Variants in TLDC2 observed in about 807,000 individuals in gnomAD.
TLDC2 encodes the protein TBC/LysM-associated domain containing 2.
In TLDC2, 23 loss-of-function variants were observed where a neutral mutation model predicts 27.9. The ratio of observed to expected loss-of-function variants is 0.82; its 90% CI spans 0.59 to 1.17. The LOEUF (loss-of-function observed/expected upper bound fraction) is 1.17. Among genes scored for constraint, TLDC2 ranks in the 50% most tolerant of loss-of-function variants. The probability of loss-of-function intolerance (pLI) is 0.00; values close to 1 mark genes in which losing one functional copy is unlikely to be tolerated. For missense variants in TLDC2, 286 were observed against 273.4 expected, an observed-to-expected ratio of 1.05 and a Z score of -0.32; for synonymous variants, 124 against 107.4, an observed-to-expected ratio of 1.16 and a Z score of -0.96.
rs773683280 is a variant in TLDC2, at chr20:36,892,961, C to T, written c.*117C>T. On this transcript the variant is annotated 3_prime_UTR_variant, in exon 7 of 7. Transcript: ENST00000217320. ...ATTGGGTCATCTTTAAAAAGCTGGA[C>T]TCTGCTTTTGGATGCTTCTCGGAGG... is the stretch of plus-strand genomic sequence containing the variant. 6.2e-7 allele frequency: 1 copy of T among 1,613,980 alleles called. No homozygotes were observed. Among genetic ancestry groups the T allele is most frequent in the Non-Finnish European group, 8.5e-7 (1 of 1,180,004 alleles).
At chr20:36,882,322 C>T (rs981026993) in intron 4 of TLDC2, among the ~76,000 whole-genome samples, 6 of 152,222 alleles carry the variant, frequency 3.9e-5, no homozygotes, top group Middle Eastern at 3.4e-3. Context: ...GCAGGAGGAT[C>T]GCTTGAGCCC....
intron 6 of TLDC2, 177 bp downstream of exon 6, chr20:36,889,580 T>C: frequency 1.5e-6 from 1 of 671,296 alleles, no homozygotes; most frequent in Non-Finnish European, 2.4e-6. Flanking sequence ...CAGAGGTGAC[T>C]TTGAAGGATT....
In TLDC2 at chr20:36,887,925, G is replaced by GA. The variant is rs201264690; in HGVS notation, c.512+405dup. ...GTGAGGACGGGGTAGAGAGAGGTAG[G>GA]AAAAAAAAGTTGATCTCATCCTGGT... On this transcript the variant is annotated intron_variant, in intron 5 of 6. Coordinates refer to ENST00000217320, the MANE Select transcript of TLDC2 (RefSeq NM_080628.3). 3.8e-3 allele frequency among the ~76,000 whole-genome samples: 572 copies of GA among 151,988 alleles called. 2 individuals carry two copies. Among genetic ancestry groups the GA allele is most frequent in the Middle Eastern group, 0.014 (4 of 294 alleles).
chr20:36,887,548 C>T lies in TLDC2; in HGVS notation c.512+20C>T, dbSNP rs754526384. ...TGGCAGGTGAGTGTCTCAGTCTTCC[C>T]GAGTCTTGGGGCGGTCTGTGTTCTG... On this transcript the variant is annotated intron_variant, in intron 5 of 6. Coordinates refer to ENST00000217320, the MANE Select transcript of TLDC2 (RefSeq NM_080628.3). The T allele has an allele frequency of 9.3e-6, 15 of 1,610,624 alleles. 1 individual carries two copies. The highest frequency in any genetic ancestry group is 8.5e-7 in the Non-Finnish European group (1 of 1,176,986).
rs752024075 is a variant in TLDC2, at chr20:36,878,046, AT to A, written c.183del (p.Arg62GlyfsTer84). The A allele has an allele frequency of 6.2e-7, 1 of 1,613,102 alleles. No individual in the cohort carries two copies. Among genetic ancestry groups the A allele is most frequent in the Non-Finnish European group, 8.5e-7 (1 of 1,179,490 alleles). On this transcript the variant is annotated frameshift_variant, in exon 2 of 7. Transcript: ENST00000217320. LOFTEE classifies it high-confidence loss of function. ...EASQVLSASE[I>X]RQLSFHFPPR... ...CAGCCAGGTTTTGAGTGCCTCAGAG[AT>A]TCGGCAGGTCTGGGCATTGCCCATG... is the stretch of plus-strand genomic sequence containing the variant.
At chr20:36,877,825 T>C in intron 1 of TLDC2, 74 bp from the exon 2 acceptor site, 1 of 1,519,010 alleles carries the variant, frequency 6.6e-7, no homozygotes, top group Non-Finnish European at 8.9e-7. Flanking sequence ...CCGAGGAGGC[T>C]CTTGGGCTCA....
rs1310422347 is a variant in TLDC2 at position 36,894,071 on chromosome 20, C to A, written c.*1227C>A. On this transcript the variant is annotated 3_prime_UTR_variant, in exon 7 of 7. Transcript: ENST00000217320. The stretch of plus-strand genomic sequence containing the variant: ...CTGGACTCCCACCTGCTCCCTTGGT[C>A]TCTCCTATCCTAGAGGTGGTAGCAG... The A allele has an allele frequency of 2.0e-5, 8 of 396,690 alleles. No homozygotes were observed. Among genetic ancestry groups the A allele is most frequent in the Non-Finnish European group, 3.1e-5 (7 of 225,456 alleles). 24.6% of individuals were successfully genotyped at this position (396,690 alleles called of 1,614,324 possible).
chr20:36,892,123 G>C (rs991250266), intron 6 of TLDC2: 5 of 152,394 alleles, frequency 3.3e-5, no homozygotes, highest in Non-Finnish European at 5.9e-5. Flanking sequence ...CTGTCACTGG[G>C]GTAGGATCTC....
At chr20:36,886,579 G>A (rs923182733) in intron 4 of TLDC2, among the ~76,000 whole-genome samples, 5 of 152,150 alleles carry the variant, frequency 3.3e-5, no homozygotes, top group African/African-American at 9.7e-5. Context: ...GCAAAAGAGC[G>A]AGACTCTGTC....
At chr20:36,876,463 C>T (rs568622598) in intron 1 of TLDC2, among the ~76,000 whole-genome samples, 1 of 152,296 alleles carries the variant, frequency 6.6e-6, no homozygotes, top group East Asian at 1.9e-4. Context: ...CTGGATGGAG[C>T]TCTGTTCAGA....
Position 36,884,122 on chromosome 20 carries a change from T to TG in TLDC2, c.439-3326dup, listed in dbSNP as rs565965225. 1.1e-3 allele frequency among the ~76,000 whole-genome samples: 165 copies of TG among 150,262 alleles called. 1 individual carries two copies. Among genetic ancestry groups the TG allele is most frequent in the Non-Finnish European group, 1.1e-3 (74 of 66,982 alleles). On this transcript the variant is annotated intron_variant, in intron 4 of 6. Coordinates refer to ENST00000217320, the MANE Select transcript of TLDC2 (RefSeq NM_080628.3). The stretch of plus-strand genomic sequence containing the variant: ...CAAACAAACAAACAAACAAAAATGG[T>TG]GGGGGGGAAGCTAGAACTCACAGCA...
At chr20:36,880,070 C>CATATATATATATATGTATAT (rs1989768064) in intron 3 of TLDC2, among the ~76,000 whole-genome samples, 10 of 73,054 alleles carry the variant, frequency 1.4e-4, no homozygotes, top group African/African-American at 4.7e-4. Flanking sequence ...TATATATATA[C>CATATATATATATATGTATAT]ATATATATAT....
intron 1 of TLDC2, 125 bp from the exon 2 acceptor site, chr20:36,877,774 C>G (rs1218007597): frequency 1.8e-5 from 20 of 1,129,484 alleles, no homozygotes; most frequent in Non-Finnish European, 2.4e-5. Flanking sequence ...CTGGGCTGGG[C>G]TGGGGGTTAC....
At chr20:36,878,174 C>T (rs1601093889) in intron 2 of TLDC2, 120 bp downstream of exon 2, 6 of 1,115,058 alleles carry the variant, frequency 5.4e-6, no homozygotes, top group East Asian at 2.8e-5. Context: ...TCTCATCATG[C>T]GTTACCTCCG....
At position 36,878,053 on chromosome 20, in the gene TLDC2, A is replaced by C; in HGVS notation, c.188A>C (p.Gln63Pro). Residue 63 changes from glutamine to proline, a missense_variant and splice_region_variant, in exon 2 of 7, where the codon CAG becomes CCG. Transcript: ENST00000217320. Reference protein sequence around the residue: ...SQVLSASEIRQLSFHFPPRVT... With the variant: ...SQVLSASEIRPLSFHFPPRVT... Reference sequence around the variant, plus strand: ...GTTTTGAGTGCCTCAGAGATTCGGCAGGTCTGGGCATTGCCCATGGCACAA... The same window carrying C: ...GTTTTGAGTGCCTCAGAGATTCGGCCGGTCTGGGCATTGCCCATGGCACAA... 1.9e-6 allele frequency: 3 copies of C among 1,611,944 alleles called. No homozygotes were observed. The highest frequency in any genetic ancestry group is 2.5e-6 in the Non-Finnish European group (3 of 1,178,928).
chr20:36,880,708 T>G lies in TLDC2; in HGVS notation c.396T>G (p.Gly132=). ...SAIRLSKGFY[G]TGETFLFSFS... ...TCCGACTCAGCAAAGGCTTCTATGGTACTGGCGAGACATTCCTCTTCTCCT... is the reference window on the plus strand; with the variant it reads ...TCCGACTCAGCAAAGGCTTCTATGGGACTGGCGAGACATTCCTCTTCTCCT... Residue 132 remains glycine, a synonymous_variant, in exon 4 of 7, where the codon GGT becomes GGG. Coordinates refer to ENST00000217320, the MANE Select transcript of TLDC2 (RefSeq NM_080628.3). 1 of 1,614,236 alleles carries G rather than the reference T, an allele frequency of 6.2e-7. No homozygotes were observed.
intron 4 of TLDC2, among the ~76,000 whole-genome samples, chr20:36,883,966 C>T (rs1341263899): frequency 1.3e-5 from 2 of 152,098 alleles, no homozygotes; most frequent in Non-Finnish European, 2.9e-5. Context: ...TGGTGGTATG[C>T]GCCAGTAATC....
intron 4 of TLDC2, among the ~76,000 whole-genome samples, chr20:36,884,602 C>CA (rs919078011): frequency 1.8e-4 from 27 of 151,410 alleles, no homozygotes; most frequent in Non-Finnish European, 2.2e-4. Flanking sequence ...CTACAAAAAG[C>CA]AAAAAAATAG....
At chr20:36,876,636 T>TA (rs1164439766) in intron 1 of TLDC2, among the ~76,000 whole-genome samples, 1 of 151,942 alleles carries the variant, frequency 6.6e-6, no homozygotes, top group African/African-American at 2.4e-5. Flanking sequence ...ATATAACATA[T>TA]ACACACTCAC....
Sources: allele counts gnomAD v4.1 joint callset (sites outside exome capture counted in the v4.1 genomes callset), GRCh38; gene constraint gnomAD v4.1.1; transcripts MANE v1.5; gene names NCBI Gene and HGNC (gene_info 2026-07-23, HGNC 2026-07-21).